Variants in GRHL1 observed in about 807,000 individuals in gnomAD.
GRHL1 encodes grainyhead like transcription factor 1, also known as grainyhead-like protein 1 homolog.
A neutral mutation model predicts 75.7 loss-of-function variants in GRHL1; 38 were observed. That is an observed-to-expected ratio of 0.50 (90% CI 0.39 to 0.66). The LOEUF (loss-of-function observed/expected upper bound fraction) is 0.66. Among genes scored for constraint, GRHL1 ranks in the 30% least tolerant of loss-of-function variants. The probability of loss-of-function intolerance (pLI) is 0.00; values close to 1 mark genes in which losing one functional copy is unlikely to be tolerated. For missense variants in GRHL1, 589 were observed against 767.5 expected (o/e 0.77, Z 2.75); for synonymous variants, 266 against 279.4 (o/e 0.95, Z 0.48).
In GRHL1 at chr2:9,987,034, A is replaced by C. The variant is rs1314008238; in HGVS notation, c.1269+752A>C. ...GGTGCTGTCGCCCATGCTGGAGTGC[A>C]GTGGCGCAGTCTCGGCTCACTGCAG... On this transcript the variant is annotated intron_variant, in intron 9 of 15. Coordinates refer to ENST00000324907, the MANE Select transcript of GRHL1 (RefSeq NM_198182.3). This position sits in a 1 kb window ranked among gnomAD's most constrained non-coding sequence, Gnocchi z 4.2. Among the ~76,000 whole-genome samples, 1 of 150,564 alleles carries C rather than the reference A, an allele frequency of 6.6e-6. No homozygotes were observed. Among genetic ancestry groups the C allele is most frequent in the Non-Finnish European group, 1.5e-5 (1 of 67,784 alleles).
At chr2:9,998,423 C>CGTGCGT (rs1553306759) in intron 14 of GRHL1, among the ~76,000 whole-genome samples, 6 of 33,860 alleles carry the variant, frequency 1.8e-4, no homozygotes, top group African/African-American at 1.0e-3. Context: ...AGTGACTATG[C>CGTGCGT]ATGTGTGTGT....
At chr2:9,998,492 GTATATATACATA>G (rs1668998429) in intron 14 of GRHL1, among the ~76,000 whole-genome samples, 5 of 21,382 alleles carry the variant, frequency 2.3e-4, no homozygotes, top group South Asian at 1.2e-3. Flanking sequence ...ATATATATAC[GTATATATACATA>G]TATATACGTA....
In GRHL1 at chr2:9,995,833, A is replaced by G. The variant is rs775675057; in HGVS notation, c.1500-46A>G. Reference sequence around the variant, plus strand: ...CTCTAAAACACCTTAATGTTGATGCAGCTGGTTAAGTTGAATCACTAACGG... The same window carrying G: ...CTCTAAAACACCTTAATGTTGATGCGGCTGGTTAAGTTGAATCACTAACGG... On this transcript the variant is annotated intron_variant, in intron 12 of 15. Coordinates refer to ENST00000324907, the MANE Select transcript of GRHL1 (RefSeq NM_198182.3). 141 of 1,063,640 alleles carry G rather than the reference A, an allele frequency of 1.3e-4. 2 individuals carry two copies. The highest frequency in any genetic ancestry group is 2.0e-4 in the Non-Finnish European group (139 of 684,668). 65.9% of individuals were successfully genotyped at this position (1,063,640 alleles called of 1,614,324 possible).
chr2:9,964,644 G>T (rs1311454134), intron 7 of GRHL1: 1 of 258,546 alleles, frequency 3.9e-6, no homozygotes, highest in Non-Finnish European at 7.4e-6. Flanking sequence ...TGCTTTAAGG[G>T]GTAATATCTT....
chr2:9,973,123 A>T (rs188549218), intron 8 of GRHL1, among the ~76,000 whole-genome samples: 2 of 151,980 alleles, frequency 1.3e-5, no homozygotes, highest in African/African-American at 4.8e-5. Flanking sequence ...TTTTCCCTTG[A>T]TGGTGATTGG....
In GRHL1 at chr2:9,986,249, G is replaced by A. The variant is rs1668413370; in HGVS notation, c.1236G>A (p.Arg412=). Residue 412 remains arginine (R), a synonymous_variant, in exon 9 of 16, where the codon CGG becomes CGA. Coordinates refer to ENST00000324907, the MANE Select transcript of GRHL1 (RefSeq NM_198182.3). The part of the protein sequence containing the change: ...YNNRSNKPVH[R]AYCQIKVFCD... Reference sequence around the variant, plus strand: ...ACCGCAGCAACAAGCCTGTGCACCGGGCCTACTGCCAGATCAAGGTCTTCT... The same window carrying A: ...ACCGCAGCAACAAGCCTGTGCACCGAGCCTACTGCCAGATCAAGGTCTTCT... 1 of 1,613,520 alleles carries A rather than the reference G, an allele frequency of 6.2e-7. No homozygotes were observed. The highest frequency in any genetic ancestry group is 1.7e-5 in the Admixed American group (1 of 59,904).
At chr2:9,996,074 C>T (rs1173921775) in intron 13 of GRHL1, 104 bp downstream of exon 13, 1 of 820,136 alleles carries the variant, frequency 1.2e-6, no homozygotes, top group East Asian at 2.5e-5. Flanking sequence ...GTTTCACTTG[C>T]TTGGGAATTC....
At chr2:9,972,732 A>G (rs1178777873) in intron 8 of GRHL1, among the ~76,000 whole-genome samples, 5 of 152,202 alleles carry the variant, frequency 3.3e-5, no homozygotes, top group Non-Finnish European at 5.9e-5. Flanking sequence ...CCAGTTCTGC[A>G]TATTTCAGAG....
At chr2:9,954,021 A>G (rs1373421492) in intron 1 of GRHL1, among the ~76,000 whole-genome samples, 7 of 152,238 alleles carry the variant, frequency 4.6e-5, no homozygotes, top group African/African-American at 1.7e-4. Flanking sequence ...AGTTTTTGGA[A>G]TTAGTAATGT....
intron 4 of GRHL1, 149 bp downstream of exon 4, chr2:9,961,585 G>T: frequency 1.5e-6 from 1 of 655,664 alleles, no homozygotes. Flanking sequence ...AAGGCCCATG[G>T]GTATAATTTG....
In GRHL1 at chr2:9,998,651, C is replaced by CATATATATGTACACACAT. The variant is rs1491227482; in HGVS notation, c.1678-309_1678-308insTATGTACACACATATATA. Among the ~76,000 whole-genome samples the CATATATATGTACACACAT allele has an allele frequency of 1.9e-4, 5 of 25,902 alleles. 1 individual carries two copies. Among genetic ancestry groups the CATATATATGTACACACAT allele is most frequent in the Non-Finnish European group, 2.9e-4 (5 of 17,082 alleles). 17.0% of individuals were successfully genotyped at this position (25,902 alleles called of 152,430 possible). ...ATATACATATATATGTACACATATACATATACATATATATGTACACATATA... is the reference window on the plus strand; with the variant it reads ...ATATACATATATATGTACACATATACATATATATGTACACACATATATACATATATATGTACACATATA... On this transcript the variant is annotated intron_variant, in intron 14 of 15. Coordinates refer to ENST00000324907, the MANE Select transcript of GRHL1 (RefSeq NM_198182.3).
In GRHL1 at chr2:9,952,666, T is replaced by A. The variant is rs570491657; in HGVS notation, c.20+813T>A. On this transcript the variant is annotated intron_variant, in intron 1 of 15. Coordinates refer to ENST00000324907, the MANE Select transcript of GRHL1 (RefSeq NM_198182.3). Reference sequence around the variant, plus strand: ...GGGCGAGGGAGTTTTCTGTATTTTCTTTGCAGCTTTTCTGAAAATATAAAA... The same window carrying A: ...GGGCGAGGGAGTTTTCTGTATTTTCATTGCAGCTTTTCTGAAAATATAAAA... Among the ~76,000 whole-genome samples the A allele has an allele frequency of 2.6e-5, 4 of 152,332 alleles. No individual in the cohort carries two copies. The South Asian group carries it at 6.2e-4, about 24-fold the overall frequency.
chr2:9,989,808 C>G (rs1488608823), intron 9 of GRHL1, among the ~76,000 whole-genome samples: 1 of 152,166 alleles, frequency 6.6e-6, no homozygotes, highest in Non-Finnish European at 1.5e-5. Flanking sequence ...CCTCGGCCTC[C>G]CAAAATGCTG....
intron 11 of GRHL1, 41 bp from the exon 12 acceptor site, chr2:9,993,166 T>C (rs763587162): frequency 3.0e-5 from 43 of 1,433,728 alleles, no homozygotes; most frequent in Admixed American, 1.9e-4. Context: ...CCAAACATTT[T>C]GAGCATACAT....
At chr2:9,956,303 A>G (rs1440037208) in intron 2 of GRHL1, among the ~76,000 whole-genome samples, 5 of 152,192 alleles carry the variant, frequency 3.3e-5, no homozygotes, top group African/African-American at 1.2e-4. Context: ...TATTAAAATT[A>G]GGGTGATTAG....
chr2:9,985,575 T>C (rs1162695181), intron 8 of GRHL1, among the ~76,000 whole-genome samples: 1 of 152,202 alleles, frequency 6.6e-6, no homozygotes, highest in Non-Finnish European at 1.5e-5. Flanking sequence ...TGGAAAGAAA[T>C]GAGGACTGTT....
In GRHL1 at chr2:9,996,348, G is replaced by A. The variant is rs1668861566; in HGVS notation, c.1624G>A (p.Val542Ile). 1.2e-6 allele frequency: 2 copies of A among 1,613,330 alleles called. No individual in the cohort carries two copies. The highest frequency in any genetic ancestry group is 1.3e-5 in the African/African-American group (1 of 74,898). The change falls in exon 14 of 16, where the codon GTC becomes ATC. Residue 542 changes from valine (V) to isoleucine (I), a missense_variant. Physicochemically the swap from Val to Ile is conservative, Grantham distance 29. Transcript: ENST00000324907. ...CTACGTTCGAAAGGAGTCAGAAGAA[G>A]TCTTTGATGCCCTGATGCTCAAAAC... ...LLYVRKESEE[V>I]FDALMLKTPS...
intron 1 of GRHL1, among the ~76,000 whole-genome samples, chr2:9,953,941 T>C (rs559929672): frequency 2.0e-5 from 3 of 152,338 alleles, no homozygotes; most frequent in Admixed American, 6.5e-5. Flanking sequence ...GAGTCAGTGT[T>C]CCATTTTTTC....
chr2:9,994,617 G>A (rs1668777921), intron 12 of GRHL1, among the ~76,000 whole-genome samples: 1 of 152,078 alleles, frequency 6.6e-6, no homozygotes, highest in African/African-American at 2.4e-5. Context: ...TCAGGCTTGA[G>A]TCCTGCCGGC....
Sources: gnomAD v4.1 joint callset for allele counts (sites outside exome capture counted in the v4.1 genomes callset) on GRCh38, gnomAD v4.1.1 for gene constraint, Gnocchi (gnomAD v3.1) non-coding constraint, MANE v1.5 for transcripts, NCBI Gene and HGNC (gene_info 2026-07-23, HGNC 2026-07-21) for gene names.